The following TRNT1 variants were observed in gnomAD, a reference collection of about 807,000 sequenced individuals.
TRNT1 encodes the protein CCA tRNA nucleotidyltransferase 1, mitochondrial.
Under a neutral mutation model 45.6 loss-of-function variants are expected in TRNT1, and 44 were observed. The observed-to-expected ratio is 0.97, with a 90% CI of 0.76 to 1.24. The LOEUF (loss-of-function observed/expected upper bound fraction) is 1.24. Ranked by LOEUF, TRNT1 falls within the 50% of genes most tolerant of loss-of-function variation. The probability of loss-of-function intolerance (pLI) is 0.00; values close to 1 mark genes in which losing one functional copy is unlikely to be tolerated. For synonymous variants in TRNT1, 201 were observed against 171.4 expected (o/e 1.17, Z -1.35); for missense variants, 633 against 504.4 (o/e 1.25, Z -2.44).
At chr3:3,133,179 T>C (rs1705120415) in intron 2 of TRNT1, among the ~76,000 whole-genome samples, 1 of 152,186 alleles carries the variant, frequency 6.6e-6, no homozygotes, top group African/African-American at 2.4e-5. Context: ...ATTATTGTCA[T>C]ATCATAAGGG....
intron 6 of TRNT1, 61 bp from the exon 7 acceptor site, chr3:3,147,389 A>G: frequency 6.3e-7 from 1 of 1,579,312 alleles, no homozygotes; most frequent in African/African-American, 1.4e-5. Context: ...GGCAAGGTTT[A>G]GGATATGAGT....
At chr3:3,127,285 G>A (rs541430397) in intron 1 of TRNT1, 1 of 152,314 alleles carries the variant, frequency 6.6e-6, no homozygotes, top group Non-Finnish European at 1.5e-5. Context: ...CACCCGGCGT[G>A]GGGGGTGAGA....
At chr3:3,149,564 A>G (rs1706331580), downstream of TRNT1, 1 of 149,572 alleles carries the variant, frequency 6.7e-6, no homozygotes, top group Admixed American at 6.7e-5. Context: ...TGCTACTGAC[A>G]GGAACTTCCT....
chr3:3,128,778 T>G (rs1418839680), intron 1 of TRNT1, among the ~76,000 whole-genome samples: 2 of 151,316 alleles, frequency 1.3e-5, no homozygotes, highest in African/African-American at 4.9e-5. Flanking sequence ...ACTGAAACAG[T>G]TATGGAGGCC....
At chr3:3,149,860 G>GACTA (rs1475854676), downstream of TRNT1, 3 of 152,042 alleles carry the variant, frequency 2.0e-5, no homozygotes, top group Non-Finnish European at 2.9e-5. Context: ...AGTAGCAAAG[G>GACTA]ACTACCAATA....
At chr3:3,136,072 G>A (rs1389483836) in intron 2 of TRNT1, among the ~76,000 whole-genome samples, 2 of 152,180 alleles carry the variant, frequency 1.3e-5, no homozygotes, top group African/African-American at 4.8e-5. Flanking sequence ...GAGTACAGTT[G>A]TGAGACTAAA....
At chr3:3,129,643 C>CT in intron 2 of TRNT1, 1 of 571,566 alleles carries the variant, frequency 1.7e-6, no homozygotes, top group Non-Finnish European at 3.1e-6. Context: ...AAAAATATAG[C>CT]TAAATCACTG....
Position 3,129,165 on chromosome 3 carries a change from CAGA to C in TRNT1, c.128_130del (p.Glu43del), listed in dbSNP as rs876661297. On this transcript the variant is annotated inframe_deletion, in exon 2 of 8. Coordinates refer to ENST00000251607, the MANE Select transcript of TRNT1 (RefSeq NM_182916.3). ...TCTCCCGAATTCCAGTCACTTTTCA[CAGA>C]AGGACTGAAGAGTCTGACAGGTGAG... The C allele has an allele frequency of 2.6e-5, 42 of 1,613,994 alleles. No individual in the cohort carries two copies. Among genetic ancestry groups the C allele is most frequent in the Non-Finnish European group, 3.3e-5 (39 of 1,179,994 alleles).
intron 3 of TRNT1, among the ~76,000 whole-genome samples, chr3:3,138,658 A>G (rs1338854971): frequency 1.3e-5 from 2 of 152,084 alleles, no homozygotes; most frequent in Non-Finnish European, 2.9e-5. Context: ...CTTACTTTCT[A>G]TGAGAGTGCC....
In TRNT1 at chr3:3,147,967, G is replaced by GTCTC. The variant is rs1706173222; in HGVS notation, c.1119_1122dup (p.Leu375SerfsTer19). On this transcript the variant is annotated frameshift_variant, in exon 8 of 8. Coordinates refer to ENST00000251607, the MANE Select transcript of TRNT1 (RefSeq NM_182916.3). LOFTEE classifies it high-confidence loss of function. ...CTACTGAAGTACCAAGGAGAGCACT[G>GTCTC]TCTCCTAAAGGAAATGCAGCAGTGG... 2 of 1,613,734 alleles carry GTCTC rather than the reference G, an allele frequency of 1.2e-6. No individual in the cohort carries two copies. Among genetic ancestry groups the GTCTC allele is most frequent in the African/African-American group, 2.7e-5 (2 of 74,914 alleles).
downstream of TRNT1, chr3:3,150,737 A>G (rs2126046700): frequency 1.1e-6 from 1 of 929,866 alleles, no homozygotes; most frequent in South Asian, 1.6e-5. Context: ...GCAACCCTCC[A>G]AGTAATGTTA....
rs1553554007 is a variant in TRNT1 at position 3,140,539 on chromosome 3, AC to A, written c.373del (p.Leu125TyrfsTer14). 3.1e-6 allele frequency: 5 copies of A among 1,614,172 alleles called. No homozygotes were observed. Among genetic ancestry groups the A allele is most frequent in the Admixed American group, 1.7e-5 (1 of 60,020 alleles). On this transcript the variant is annotated frameshift_variant, in exon 4 of 8. Coordinates refer to ENST00000251607, the MANE Select transcript of TRNT1 (RefSeq NM_182916.3). LOFTEE classifies it high-confidence loss of function. The part of the protein sequence containing the change: ...LHEENFEITT[L>X]RIDVTTDGRH... ...ATGAAGAAAATTTTGAGATTACTACACTACGGATTGATGTCACCACTGATGG... is the reference window on the plus strand; with the variant it reads ...ATGAAGAAAATTTTGAGATTACTACATACGGATTGATGTCACCACTGATGG...
chr3:3,136,658 CTTTTT>C (rs56033417), intron 2 of TRNT1: 4 of 390,296 alleles, frequency 1.0e-5, no homozygotes, highest in Non-Finnish European at 9.9e-6. Flanking sequence ...CTTTTTTTTT[CTTTTT>C]TTTTTTTTTG....
At position 3,140,539 on chromosome 3, in the gene TRNT1, A is replaced by G. The variant is rs772348253; in HGVS notation, c.372A>G (p.Thr124=). ...RLHEENFEIT[T]LRIDVTTDGR... is the part of the protein sequence containing the mutation. ...ATGAAGAAAATTTTGAGATTACTAC[A>G]CTACGGATTGATGTCACCACTGATG... The change falls in exon 4 of 8, where the codon ACA becomes ACG. Residue 124 remains threonine (T), a synonymous_variant. Transcript: ENST00000251607. 1.2e-6 allele frequency: 2 copies of G among 1,614,172 alleles called. No individual in the cohort carries two copies. Among genetic ancestry groups the G allele is most frequent in the South Asian group, 1.1e-5 (1 of 91,074 alleles).
intron 6 of TRNT1, 133 bp downstream of exon 6, chr3:3,146,756 G>A (rs1009263021): frequency 3.9e-5 from 35 of 887,922 alleles, no homozygotes; most frequent in Non-Finnish European, 5.3e-5. Context: ...ATAAGACAAA[G>A]TTTGGGTTAT....
chr3:3,152,692 T>C (rs1476600963), downstream of TRNT1: 2 of 1,354,500 alleles, frequency 1.5e-6, no homozygotes, highest in African/African-American at 1.5e-5. Flanking sequence ...GTATGAGCTA[T>C]ACAGTTTTTA....
downstream of TRNT1, among the ~76,000 whole-genome samples, chr3:3,152,199 G>T (rs997372768): frequency 6.7e-6 from 1 of 150,302 alleles, no homozygotes; most frequent in Non-Finnish European, 1.5e-5. Flanking sequence ...CACCCAGGCT[G>T]GACTGCAGTG....
chr3:3,145,519 AAAAAG>A (rs1211850180), intron 5 of TRNT1: 38 of 152,264 alleles, frequency 2.5e-4, no homozygotes, highest in East Asian at 1.7e-3. Flanking sequence ...AAAAAAAAAA[AAAAAG>A]AAGATCTTGG....
intron 2 of TRNT1, among the ~76,000 whole-genome samples, chr3:3,133,494 T>G (rs981220518): frequency 1.3e-5 from 2 of 151,770 alleles, no homozygotes; most frequent in Admixed American, 1.3e-4. Context: ...GGGTCAGGGC[T>G]GCAGAGTGAG....
Sources: allele counts gnomAD v4.1 joint callset (sites outside exome capture counted in the v4.1 genomes callset), GRCh38; gene constraint gnomAD v4.1.1; transcripts MANE v1.5; gene names NCBI Gene and HGNC (gene_info 2026-07-23, HGNC 2026-07-21).